PRH1: variants seen among roughly 807,000 people sequenced by gnomAD.
The protein encoded by PRH1 is salivary acidic proline-rich phosphoprotein 1/2.
PRH1 carries 7 observed loss-of-function variants against 7.9 expected under a neutral mutation model. The ratio of observed to expected loss-of-function variants is 0.89; its 90% CI spans 0.50 to 1.67. PRH1 has a LOEUF of 1.67. Among genes scored for constraint, PRH1 ranks in the 40% most tolerant of loss-of-function variants. The pLI is 0.00. For missense variants in PRH1, 109 were observed against 223.6 expected (o/e 0.49, Z 3.27); for synonymous variants, 45 against 80.8 (o/e 0.56, Z 2.38).
chr12:11,133,937 C>G, intron 1 of PRH1: 1 of 1,614,102 alleles, frequency 6.2e-7, no homozygotes, highest in Non-Finnish European at 8.5e-7. Flanking sequence ...ATAAAACATG[C>G]TGAGGCTAGT....
At chr12:11,042,620 A>ATTTTTT (rs1337131350) in intron 1 of PRH1, among the ~76,000 whole-genome samples, 1 of 92,924 alleles carries the variant, frequency 1.1e-5, no homozygotes, top group Non-Finnish European at 2.1e-5. Flanking sequence ...TTCCAGGCTC[A>ATTTTTT]TTCTTTTTTT....
intron 2 of PRH1, chr12:10,931,290 C>G (rs1950209196): frequency 1.9e-6 from 2 of 1,028,548 alleles, no homozygotes; most frequent in Non-Finnish European, 2.8e-6. Context: ...GAATCACTAT[C>G]TTCAAATTAC....
At chr12:11,055,679 ATATTCT>A (rs1943335691) in intron 1 of PRH1, among the ~76,000 whole-genome samples, 1 of 152,226 alleles carries the variant, frequency 6.6e-6, no homozygotes, top group Non-Finnish European at 1.5e-5. Flanking sequence ...AAATCAGGTC[ATATTCT>A]TATTCATCAT....
chr12:11,049,130 A>T, upstream of PRH1: 1 of 557,526 alleles, frequency 1.8e-6, no homozygotes, highest in Non-Finnish European at 2.9e-6. Flanking sequence ...TGGTCAGCTG[A>T]TGAGATCTTT....
intron 1 of PRH1, among the ~76,000 whole-genome samples, chr12:11,073,178 C>T (rs372071078): frequency 0.063 from 3,495 of 55,116 alleles, 189 homozygotes; most frequent in Non-Finnish European, 0.091. Flanking sequence ...GTTGCCCAGG[C>T]TAGAGTGCAC....
At chr12:10,884,880 C>T (rs1329111324), upstream of PRH1, among the ~76,000 whole-genome samples, 1 of 152,038 alleles carries the variant, frequency 6.6e-6, no homozygotes, top group Non-Finnish European at 1.5e-5. Context: ...CTGTGAATCT[C>T]ACTACACTCA....
chr12:11,114,421 C>A (rs1305422744), intron 1 of PRH1, among the ~76,000 whole-genome samples: 1 of 152,052 alleles, frequency 6.6e-6, no homozygotes, highest in Non-Finnish European at 1.5e-5. Context: ...AACCAAACAC[C>A]ACATTATCAC....
chr12:11,145,214 C>T (rs895460037), intron 1 of PRH1, among the ~76,000 whole-genome samples: 16 of 152,084 alleles, frequency 1.1e-4, no homozygotes, highest in African/African-American at 2.2e-4. Flanking sequence ...TTCTTTGAAA[C>T]GGAGTCTCGC....
chr12:10,917,700 C>T (rs1050017241), intron 2 of PRH1, among the ~76,000 whole-genome samples: 16 of 152,178 alleles, frequency 1.1e-4, no homozygotes, highest in Admixed American at 2.6e-4. Flanking sequence ...AATTAGGAGA[C>T]TAACAGGATG....
intron 1 of PRH1, among the ~76,000 whole-genome samples, chr12:11,129,552 A>G (rs1946262533): frequency 6.6e-6 from 1 of 152,302 alleles, no homozygotes; most frequent in Admixed American, 6.5e-5. Flanking sequence ...CACTTAACCT[A>G]TCTGGCCTCT....
At chr12:11,123,609 T>C (rs1326148437) in intron 1 of PRH1, among the ~76,000 whole-genome samples, 2 of 152,202 alleles carry the variant, frequency 1.3e-5, no homozygotes, top group Non-Finnish European at 2.9e-5. Flanking sequence ...CAGTACAACT[T>C]TGTATTTTCT....
chr12:11,147,722 T>G (rs1053346539), intron 1 of PRH1, among the ~76,000 whole-genome samples: 2 of 152,222 alleles, frequency 1.3e-5, no homozygotes, highest in African/African-American at 2.4e-5. Flanking sequence ...TTACATTAGC[T>G]AAAAGTGCTA....
intron 1 of PRH1, among the ~76,000 whole-genome samples, chr12:11,083,919 G>T (rs369564121): frequency 0.035 from 1,923 of 55,120 alleles, 2 homozygotes; most frequent in Non-Finnish European, 0.046. Context: ...TAAACATGTT[G>T]CTCTAGTTGG....
intron 2 of PRH1, among the ~76,000 whole-genome samples, chr12:10,955,898 C>T (rs1284720316): frequency 1.3e-5 from 2 of 151,884 alleles, no homozygotes; most frequent in African/African-American, 4.8e-5. Flanking sequence ...AATCCCTGAG[C>T]AAACCAATAA....
chr12:11,154,372 T>C (rs538128852), intron 1 of PRH1, among the ~76,000 whole-genome samples: 68 of 152,290 alleles, frequency 4.5e-4, no homozygotes, highest in African/African-American at 1.5e-3. Flanking sequence ...TTAATGTGCA[T>C]ATATAAATGA....
intron 1 of PRH1, among the ~76,000 whole-genome samples, chr12:11,108,895 G>A (rs888047333): frequency 1.3e-5 from 2 of 152,194 alleles, no homozygotes; most frequent in African/African-American, 2.4e-5. Flanking sequence ...CCTCCTTGGA[G>A]CCCAGCAAGC....
chr12:11,114,771 G>C (rs1010322415), intron 1 of PRH1, among the ~76,000 whole-genome samples: 6 of 152,078 alleles, frequency 3.9e-5, no homozygotes, highest in African/African-American at 9.7e-5. Context: ...GTCTTCATTT[G>C]TTTTGTTTTT....
chr12:11,088,691 C>A (rs1285836382), intron 1 of PRH1, among the ~76,000 whole-genome samples: 12 of 100,654 alleles, frequency 1.2e-4, no homozygotes, highest in East Asian at 2.4e-4. Flanking sequence ...TGAAGTTTCC[C>A]AGGCTACTGG....
downstream of PRH1, among the ~76,000 whole-genome samples, chr12:11,116,590 C>A (rs571945358): frequency 1.3e-5 from 2 of 151,954 alleles, no homozygotes; most frequent in Non-Finnish European, 2.9e-5. Flanking sequence ...TCTTGTTACC[C>A]TGATACCAAA....
Sources: gnomAD v4.1 joint callset for allele counts (sites outside exome capture counted in the v4.1 genomes callset) on GRCh38, gnomAD v4.1.1 for gene constraint, MANE v1.5 for transcripts, NCBI Gene and HGNC (gene_info 2026-07-23, HGNC 2026-07-21) for gene names.